Variants in BMP6 observed in about 807,000 individuals in gnomAD.
BMP6 encodes the protein bone morphogenetic protein 6, also known as VG-1-R.
In BMP6, 17 loss-of-function variants were observed where a neutral mutation model predicts 54.1. The ratio of observed to expected loss-of-function variants is 0.31; its 90% CI spans 0.22 to 0.47. The LOEUF is 0.47. BMP6 is among the 20% of genes least tolerant of loss of function. BMP6 has a pLI of 1.00. For missense variants in BMP6, 720 were observed against 690.4 expected (o/e 1.04, Z -0.48); for synonymous variants, 328 against 291.2 (o/e 1.13, Z -1.28).
intron 3 of BMP6, among the ~76,000 whole-genome samples, chr6:7,861,932 C>T (rs773181862): frequency 2.0e-5 from 3 of 152,142 alleles, no homozygotes; most frequent in Non-Finnish European, 2.9e-5. Flanking sequence ...TAAATCCTGA[C>T]GGATGAACAG....
intron 1 of BMP6, among the ~76,000 whole-genome samples, chr6:7,758,570 A>G (rs996159778): frequency 6.6e-6 from 1 of 152,202 alleles, no homozygotes; most frequent in Non-Finnish European, 1.5e-5. Flanking sequence ...TCTCTTCCCT[A>G]CAGTGCCTTG....
chr6:7,815,675 C>A (rs1487539565), intron 1 of BMP6, among the ~76,000 whole-genome samples: 1 of 152,038 alleles, frequency 6.6e-6, no homozygotes, highest in African/African-American at 2.4e-5. Context: ...GTTTTAAATA[C>A]TAAAATTTAA....
intron 1 of BMP6, among the ~76,000 whole-genome samples, chr6:7,841,011 TC>T (rs1401016374): frequency 6.6e-6 from 1 of 152,152 alleles, no homozygotes; most frequent in Non-Finnish European, 1.5e-5. Flanking sequence ...TACTCCAAGC[TC>T]CGAGGACCTG....
At chr6:7,815,262 ACTT>A (rs1417951132) in intron 1 of BMP6, among the ~76,000 whole-genome samples, 1 of 152,170 alleles carries the variant, frequency 6.6e-6, no homozygotes, top group East Asian at 1.9e-4. Context: ...ACACTGATGA[ACTT>A]GGAGATATTT....
chr6:7,869,014 C>T (rs1048189974), intron 4 of BMP6, among the ~76,000 whole-genome samples: 2 of 152,244 alleles, frequency 1.3e-5, no homozygotes, highest in Non-Finnish European at 2.9e-5. Flanking sequence ...AGTTGCAAAG[C>T]ACAGCAGGCA....
At chr6:7,786,957 C>T (rs1758029066) in intron 1 of BMP6, among the ~76,000 whole-genome samples, 1 of 152,114 alleles carries the variant, frequency 6.6e-6, no homozygotes, top group East Asian at 1.9e-4. Flanking sequence ...ACAGATGATC[C>T]CCGAATCCTG....
chr6:7,764,131 C>T (rs531029154), intron 1 of BMP6, among the ~76,000 whole-genome samples: 12 of 152,250 alleles, frequency 7.9e-5, no homozygotes, highest in Non-Finnish European at 1.3e-4. Context: ...CCATGTGTCT[C>T]CTCCGTATTC....
intron 1 of BMP6, among the ~76,000 whole-genome samples, chr6:7,823,210 A>G (rs1758642763): frequency 6.6e-6 from 1 of 152,010 alleles, no homozygotes; most frequent in Non-Finnish European, 1.5e-5. Context: ...CGAATTGTGG[A>G]CTCTGCTTTG....
rs373383662 is a variant in BMP6, at chr6:7,855,052, T to G, written c.858-6399T>G. Among the ~76,000 whole-genome samples the G allele has an allele frequency of 3.3e-5, 5 of 152,342 alleles. No individual in the cohort carries two copies. In the East Asian group the frequency reaches 5.8e-4, roughly 18 times the overall value. On this transcript the variant is annotated intron_variant, in intron 2 of 6. Transcript: ENST00000283147. ...TCGATCTCACCTGCAGTTCTGTTTA[T>G]TAGCCTAATTCGATGACACCCTGAG...
chr6:7,856,595 A>ATTTTTTTTTTTTTTTTTTTTTTTT lies in BMP6; in HGVS notation c.858-4837_858-4836insTTTTTTTTTTTTTTTTTTTTTTTT, dbSNP rs70982115. On this transcript the variant is annotated intron_variant, in intron 2 of 6. Transcript: ENST00000283147. ...ATATAAATGCCAGTTTATCAAGAGC[A>ATTTTTTTTTTTTTTTTTTTTTTTT]TTTTTTTTTTTTTTTTTTTGAGACG... Among the ~76,000 whole-genome samples the ATTTTTTTTTTTTTTTTTTTTTTTT allele has an allele frequency of 4.9e-4, 41 of 83,046 alleles. 3 individuals carry two copies. Among genetic ancestry groups the ATTTTTTTTTTTTTTTTTTTTTTTT allele is most frequent in the East Asian group, 3.6e-3 (5 of 1,380 alleles). The allele number at this position is 83,046 out of a possible 152,430, so 54.5% of individuals were successfully genotyped here. A position where few individuals can be genotyped will look rare whatever the true frequency, so the allele number is the denominator to read the frequency against.
chr6:7,818,202 C>A (rs1480363540), intron 1 of BMP6, among the ~76,000 whole-genome samples: 1 of 152,110 alleles, frequency 6.6e-6, no homozygotes, highest in Non-Finnish European at 1.5e-5. Context: ...CCTGATCTTA[C>A]TGCCCTACAA....
At chr6:7,788,306 A>G (rs752512836) in intron 1 of BMP6, among the ~76,000 whole-genome samples, 20 of 152,210 alleles carry the variant, frequency 1.3e-4, no homozygotes, top group Non-Finnish European at 2.9e-4. Context: ...AAGAGTCATC[A>G]TATGCATCCT....
intron 1 of BMP6, among the ~76,000 whole-genome samples, chr6:7,824,458 A>C (rs1395126910): frequency 6.6e-6 from 1 of 152,164 alleles, no homozygotes; most frequent in Non-Finnish European, 1.5e-5. Context: ...ATTGATAAAC[A>C]ATAGAGGGAG....
chr6:7,876,329 A>G (rs941391047), intron 4 of BMP6, among the ~76,000 whole-genome samples: 5 of 152,220 alleles, frequency 3.3e-5, no homozygotes, highest in African/African-American at 1.2e-4. Flanking sequence ...GTGGCTAGAT[A>G]AGAATTTATC....
chr6:7,848,512 T>G (rs941934630), intron 2 of BMP6, among the ~76,000 whole-genome samples: 110 of 152,130 alleles, frequency 7.2e-4, no homozygotes, highest in African/African-American at 2.5e-3. Flanking sequence ...TGATTTCAGT[T>G]CCCCAGCTCC....
At chr6:7,871,249 A>G (rs186510042) in intron 4 of BMP6, among the ~76,000 whole-genome samples, 371 of 152,354 alleles carry the variant, frequency 2.4e-3, no homozygotes, top group Non-Finnish European at 4.3e-3. Context: ...GAAGAGAGGA[A>G]GGATTTGGGC....
chr6:7,760,594 A>T (rs965113517), intron 1 of BMP6, among the ~76,000 whole-genome samples: 1 of 152,028 alleles, frequency 6.6e-6, no homozygotes, highest in Non-Finnish European at 1.5e-5. Context: ...CAGCCTCCCA[A>T]GTAGCTGGGA....
intron 1 of BMP6, among the ~76,000 whole-genome samples, chr6:7,738,009 C>G (rs1761979911): frequency 6.6e-6 from 1 of 151,814 alleles, no homozygotes; most frequent in South Asian, 2.1e-4. Flanking sequence ...GTTCAAGCCA[C>G]TTAACCAAAT....
chr6:7,823,745 G>T (rs1758650569), intron 1 of BMP6, among the ~76,000 whole-genome samples: 1 of 152,198 alleles, frequency 6.6e-6, no homozygotes, highest in African/African-American at 2.4e-5. Context: ...CATGTGCAAA[G>T]GTCCTGTGGC....
Sources: allele counts gnomAD v4.1 joint callset (sites outside exome capture counted in the v4.1 genomes callset), GRCh38; gene constraint gnomAD v4.1.1; transcripts MANE v1.5; gene names NCBI Gene and HGNC (gene_info 2026-07-23, HGNC 2026-07-21).